The following ELAPOR2 variants were observed in gnomAD, a reference collection of about 807,000 sequenced individuals.
The protein encoded by ELAPOR2 is endosome-lysosome associated apoptosis and autophagy regulator family member 2.
A neutral mutation model predicts 120.7 loss-of-function variants in ELAPOR2; 89 were observed. The ratio of observed to expected loss-of-function variants is 0.74; its 90% CI spans 0.62 to 0.88. The LOEUF is 0.88. Among genes scored for constraint, ELAPOR2 ranks in the 40% least tolerant of loss-of-function variants. The pLI is 0.00. For synonymous variants in ELAPOR2, 444 were observed against 444.9 expected (o/e 1.00, Z 0.03); for missense variants, 1,134 against 1,251.6 (o/e 0.91, Z 1.42).
intron 1 of ELAPOR2, among the ~76,000 whole-genome samples, chr7:86,971,163 C>A (rs1221220562): frequency 1.3e-5 from 2 of 152,148 alleles, no homozygotes; most frequent in African/African-American, 4.8e-5. Flanking sequence ...CTCACCTCTG[C>A]CATTACTATA....
intron 1 of ELAPOR2, among the ~76,000 whole-genome samples, chr7:86,999,499 C>T (rs987869309): frequency 2.6e-5 from 4 of 152,058 alleles, no homozygotes; most frequent in Non-Finnish European, 5.9e-5. Context: ...GGATTGGGTA[C>T]ATAAAATGCA....
At chr7:86,997,933 C>T (rs1635002) in intron 1 of ELAPOR2, among the ~76,000 whole-genome samples, 58,810 of 152,006 alleles carry the variant, frequency 0.39, 12,181 homozygotes, top group African/African-American at 0.53. Context: ...ACCATGTATG[C>T]GATGGGCATC....
At chr7:86,941,501 A>G in intron 5 of ELAPOR2, 1 of 420,082 alleles carries the variant, frequency 2.4e-6, no homozygotes, top group South Asian at 1.8e-5. Flanking sequence ...ATTTTGTGAT[A>G]AACAGAGCTG....
intron 21 of ELAPOR2, 190 bp downstream of exon 21, chr7:86,891,534 C>T (rs1788159479): frequency 2.1e-6 from 1 of 486,106 alleles, no homozygotes. Flanking sequence ...TGTTTGACAA[C>T]CAACGAAAAC....
At chr7:86,882,160 C>G (rs920533261) in intron 21 of ELAPOR2, among the ~76,000 whole-genome samples, 3 of 152,162 alleles carry the variant, frequency 2.0e-5, no homozygotes, top group African/African-American at 7.2e-5. Context: ...GTTTAACAGC[C>G]TTAACAATTT....
At chr7:87,041,646 G>A (rs1230533608) in intron 1 of ELAPOR2, among the ~76,000 whole-genome samples, 13 of 151,968 alleles carry the variant, frequency 8.6e-5, no homozygotes, top group East Asian at 7.7e-4. Context: ...GGTACCAGCC[G>A]CTGCAAAATC....
chr7:86,937,814 G>T lies in ELAPOR2; in HGVS notation c.1089+312C>A, dbSNP rs531950924. Among the ~76,000 whole-genome samples, 41 of 152,146 alleles carry T rather than the reference G, an allele frequency of 2.7e-4. 1 individual carries two copies. The highest frequency in any genetic ancestry group is 4.6e-4 in the Non-Finnish European group (31 of 67,976). ...TATTGAGCACTATGTGACAGGCACT[G>T]GGCTAGGAACTTTACATTAAATATC... On this transcript the variant is annotated intron_variant, in intron 8 of 21. Coordinates refer to ENST00000450689, the MANE Select transcript of ELAPOR2 (RefSeq NM_001142749.3).
At position 86,944,942 on chromosome 7, in the gene ELAPOR2, A is replaced by C; in HGVS notation, c.611T>G (p.Phe204Cys). ...VHLKKSGYVF[F>C]EYQYVDNNIF... is the part of the protein sequence containing the mutation. ...GTTGTTGTCGACATACTGGTACTCA[A>C]AGAAGACATAGCCTGACTTCTTAAG... The change falls in exon 4 of 22, where the codon TTT becomes TGT. Residue 204 changes from phenylalanine to cysteine, a missense_variant. Transcript: ENST00000450689. The C allele has an allele frequency of 6.4e-7, 1 of 1,550,414 alleles. No homozygotes were observed. Among genetic ancestry groups the C allele is most frequent in the East Asian group, 2.4e-5 (1 of 40,850 alleles).
chr7:86,901,888 A>G (rs1043020071), intron 18 of ELAPOR2, among the ~76,000 whole-genome samples: 23 of 152,198 alleles, frequency 1.5e-4, no homozygotes, highest in Non-Finnish European at 5.9e-5. Flanking sequence ...ATGGGGCCCA[A>G]AAAACACCAC....
chr7:86,968,616 G>T (rs1435078749), intron 1 of ELAPOR2, among the ~76,000 whole-genome samples: 1 of 152,182 alleles, frequency 6.6e-6, no homozygotes, highest in African/African-American at 2.4e-5. Flanking sequence ...GGTGCAGGCT[G>T]CTATAGAAAC....
intron 1 of ELAPOR2, among the ~76,000 whole-genome samples, chr7:87,050,514 G>A (rs1795069540): frequency 6.6e-6 from 1 of 152,114 alleles, no homozygotes; most frequent in Non-Finnish European, 1.5e-5. Flanking sequence ...TAGAGGCCCA[G>A]CATCTGCCAG....
chr7:86,880,706 C>G (rs1349429304), intron 21 of ELAPOR2, among the ~76,000 whole-genome samples, 176 bp from the exon 22 acceptor site: 3 of 149,854 alleles, frequency 2.0e-5, no homozygotes, highest in Non-Finnish European at 4.4e-5. Context: ...GCATGCCTAC[C>G]CTGAAGGGCA....
intron 1 of ELAPOR2, among the ~76,000 whole-genome samples, chr7:87,051,157 T>A (rs1185710778): frequency 1.3e-5 from 2 of 152,094 alleles, no homozygotes; most frequent in Non-Finnish European, 2.9e-5. Flanking sequence ...AGTGTAAGGA[T>A]GACAGAAAAG....
chr7:87,027,695 A>G lies in ELAPOR2; in HGVS notation c.189+31630T>C, dbSNP rs1794289385. ...ACACACAGGGAGAAGATGGCCATCC[A>G]TGCCAAGGAGAGAAGCCTGGAACAG... On this transcript the variant is annotated intron_variant, in intron 1 of 21. Transcript: ENST00000450689. Among the ~76,000 whole-genome samples, 6 of 152,290 alleles carry G rather than the reference A, an allele frequency of 3.9e-5. No homozygotes were observed. The South Asian group carries it at 1.2e-3, about 32-fold the overall frequency.
chr7:86,967,538 G>A (rs1791954736), intron 1 of ELAPOR2, among the ~76,000 whole-genome samples: 1 of 152,152 alleles, frequency 6.6e-6, no homozygotes, highest in Non-Finnish European at 1.5e-5. Flanking sequence ...AAATTTAGGT[G>A]ATTTCTTATC....
intron 2 of ELAPOR2, among the ~76,000 whole-genome samples, chr7:86,951,003 G>A (rs1791223321): frequency 6.6e-6 from 1 of 152,160 alleles, no homozygotes; most frequent in South Asian, 2.1e-4. Flanking sequence ...ATGGTCTATG[G>A]ATCTTCTAGC....
intron 9 of ELAPOR2, among the ~76,000 whole-genome samples, chr7:86,925,895 C>A (rs989631764): frequency 6.6e-6 from 1 of 151,904 alleles, no homozygotes; most frequent in Non-Finnish European, 1.5e-5. Flanking sequence ...AGGAAAAGGA[C>A]AGAAACAAAA....
rs749567995 is a variant in ELAPOR2, at chr7:86,938,899, A to C, written c.909T>G (p.Gly303=). Residue 303 remains glycine (G), a synonymous_variant, in exon 7 of 22, where the codon GGT becomes GGG. Coordinates refer to ENST00000450689, the MANE Select transcript of ELAPOR2 (RefSeq NM_001142749.3). ...CKPGTFSNKP[G]SFNCQVCPRN... ...TGGGACACACCTGGCAGTTGAATGA[A>C]CCTGGTTTGTTGCTGAATGTGCCTG... The C allele has an allele frequency of 1.1e-4, 185 of 1,613,286 alleles. 4 individuals carry two copies. Among genetic ancestry groups the C allele is most frequent in the South Asian group, 1.1e-3 (101 of 91,084 alleles).
chr7:87,034,908 C>T (rs1391553080), intron 1 of ELAPOR2, among the ~76,000 whole-genome samples: 1 of 151,980 alleles, frequency 6.6e-6, no homozygotes, highest in African/African-American at 2.4e-5. Context: ...CATGGTGAAA[C>T]CCCGTCTCTA....
Sources: allele counts gnomAD v4.1 joint callset (sites outside exome capture counted in the v4.1 genomes callset), GRCh38; gene constraint gnomAD v4.1.1; transcripts MANE v1.5; gene names NCBI Gene and HGNC (gene_info 2026-07-23, HGNC 2026-07-21).